DNAH14: variants seen among roughly 807,000 people sequenced by gnomAD.
DNAH14 encodes dynein axonemal heavy chain 14.
In DNAH14, 478 loss-of-function variants were observed where a neutral mutation model predicts 520.9. The ratio of observed to expected loss-of-function variants is 0.92; its 90% CI spans 0.85 to 0.99. The LOEUF (loss-of-function observed/expected upper bound fraction) is 0.99, where lower values mean the gene tolerates loss of function less well. Among genes scored for constraint, DNAH14 ranks in the 50% least tolerant of loss-of-function variants. The probability of loss-of-function intolerance (pLI) is 0.00; values close to 1 mark genes in which losing one functional copy is unlikely to be tolerated. For missense variants in DNAH14, 4,831 were observed against 5,234.5 expected (o/e 0.92, Z 2.38); for synonymous variants, 1,581 against 1,757.2 (o/e 0.90, Z 2.51).
intron 15 of DNAH14, among the ~76,000 whole-genome samples, chr1:225,045,195 A>G (rs761487619): frequency 1.3e-5 from 2 of 149,894 alleles, no homozygotes; most frequent in Non-Finnish European, 1.5e-5. Flanking sequence ...TTTGTTTTTC[A>G]TCTTAGATTT....
intron 61 of DNAH14, among the ~76,000 whole-genome samples, chr1:225,320,297 T>C (rs887814960): frequency 6.6e-5 from 10 of 152,198 alleles, no homozygotes; most frequent in African/African-American, 9.6e-5. Flanking sequence ...GTAAAATGCT[T>C]GTAACAGAGG....
In DNAH14 at chr1:225,346,243, A is replaced by G. The variant is rs2095284236; in HGVS notation, c.10960A>G (p.Lys3654Glu). ...SKSKEQEHSFKREKVSPKEVH... is the reference protein window; with the variant it reads ...SKSKEQEHSFEREKVSPKEVH... ...AAGCAAAGAACAAGAACATAGTTTT[A>G]AAAGGGAGAAAGTGTCTCCAAAAGA... The change falls in exon 70 of 86, where the codon AAA becomes GAA. Residue 3654 changes from lysine to glutamate, a missense_variant. Lys to Glu is a moderately conservative substitution (Grantham distance 56). Coordinates refer to ENST00000682510, the MANE Select transcript of DNAH14 (RefSeq NM_001367479.1). 1.9e-6 allele frequency: 3 copies of G among 1,551,530 alleles called. No individual in the cohort carries two copies. The highest frequency in any genetic ancestry group is 2.6e-6 in the Non-Finnish European group (3 of 1,146,958).
At chr1:224,954,746 T>C (rs988166500) in intron 2 of DNAH14, among the ~76,000 whole-genome samples, 1 of 152,152 alleles carries the variant, frequency 6.6e-6, no homozygotes, top group East Asian at 1.9e-4. Flanking sequence ...AAAGTGCCTA[T>C]CAAAAATTAC....
At chr1:225,056,461 T>G (rs1194500930) in intron 17 of DNAH14, among the ~76,000 whole-genome samples, 1 of 152,168 alleles carries the variant, frequency 6.6e-6, no homozygotes, top group African/African-American at 2.4e-5. Context: ...TTGCAAAAAT[T>G]TTCTCCCATT....
In DNAH14 at chr1:225,085,795, T is replaced by A; in HGVS notation, c.3573+6T>A. The A allele has an allele frequency of 1.3e-6, 2 of 1,506,552 alleles. No individual in the cohort carries two copies. The highest frequency in any genetic ancestry group is 1.8e-6 in the Non-Finnish European group (2 of 1,129,910). 93.3% of individuals were successfully genotyped at this position (1,506,552 alleles called of 1,614,324 possible). A position where few individuals can be genotyped will look rare whatever the true frequency, so the allele number is the denominator to read the frequency against. ...CCCACATTGGGCCCATTAAGGTAAG[T>A]ATTATGGCAAAGGAAAAATGTTTTC... On this transcript the variant is annotated splice_donor_region_variant and intron_variant, in intron 21 of 85. Coordinates refer to ENST00000682510, the MANE Select transcript of DNAH14 (RefSeq NM_001367479.1).
intron 33 of DNAH14, 86 bp downstream of exon 33, chr1:225,152,969 G>A (rs1211713223): frequency 2.3e-6 from 3 of 1,311,324 alleles, no homozygotes; most frequent in Admixed American, 5.3e-5. Flanking sequence ...GTCCAGGGAT[G>A]ACCTGGGACT....
chr1:225,369,720 A>G (rs2150628794), intron 77 of DNAH14, among the ~76,000 whole-genome samples: 1 of 152,284 alleles, frequency 6.6e-6, no homozygotes, highest in Non-Finnish European at 1.5e-5. Flanking sequence ...TATCCAAGGA[A>G]CTGTTACACA....
At chr1:225,312,351 C>T (rs996839572) in intron 60 of DNAH14, among the ~76,000 whole-genome samples, 3 of 152,074 alleles carry the variant, frequency 2.0e-5, no homozygotes, top group Non-Finnish European at 4.4e-5. Flanking sequence ...GGGGTTGAGA[C>T]GATGGGGTAT....
Position 225,042,833 on chromosome 1 carries a change from A to G in DNAH14, c.1489-2A>G. ...GCACCCTCACATTATCCGTTAAATT[A>G]GATTTTGAATAGTGTTGAAGTGGGG... On this transcript the variant is annotated splice_acceptor_variant, in intron 12 of 85. Transcript: ENST00000682510. LOFTEE classifies it high-confidence loss of function. 1.9e-6 allele frequency: 3 copies of G among 1,545,122 alleles called. No homozygotes were observed. Among genetic ancestry groups the G allele is most frequent in the South Asian group, 2.4e-5 (2 of 82,782 alleles).
rs777566189 is a variant in DNAH14, at chr1:225,051,571, T to C, written c.2200T>C (p.Ser734Pro). 2.9e-4 allele frequency: 443 copies of C among 1,550,936 alleles called. No individual in the cohort carries two copies. The highest frequency in any genetic ancestry group is 3.6e-4 in the Non-Finnish European group (414 of 1,146,608). The stretch of plus-strand genomic sequence containing the variant: ...CAAAATCATGAGTATGAAAATATCA[T>C]CTATGGGAGAATTAACTTCAAAAGA... The part of the protein sequence containing the change: ...KAKIMSMKIS[S>P]MGELTSKEFE... The change falls in exon 17 of 86, where the codon TCT (serine) becomes CCT (proline). Residue 734 changes from serine to proline, a missense_variant. By Grantham distance (74) the Ser-to-Pro change is moderately conservative. Coordinates refer to ENST00000682510, the MANE Select transcript of DNAH14 (RefSeq NM_001367479.1).
chr1:225,194,769 C>T (rs938847328), intron 38 of DNAH14, among the ~76,000 whole-genome samples: 7 of 151,220 alleles, frequency 4.6e-5, no homozygotes, highest in Non-Finnish European at 5.9e-5. Flanking sequence ...ACTGTGTATC[C>T]GATAAAAATC....
At chr1:225,264,056 A>G in intron 46 of DNAH14, 141 bp from the exon 47 acceptor site, 2 of 618,082 alleles carry the variant, frequency 3.2e-6, no homozygotes, top group Non-Finnish European at 5.6e-6. Context: ...ATTTCATCTG[A>G]AAAGGTGGAA....
intron 38 of DNAH14, among the ~76,000 whole-genome samples, chr1:225,196,052 G>A (rs1403316205): frequency 5.9e-5 from 9 of 151,742 alleles, no homozygotes; most frequent in African/African-American, 1.7e-4. Context: ...ATTGGGGAAC[G>A]GGTGGTATTT....
At chr1:225,366,997 T>C (rs533004615) in intron 76 of DNAH14, among the ~76,000 whole-genome samples, 1 of 102,740 alleles carries the variant, frequency 9.7e-6, no homozygotes, top group East Asian at 2.8e-4. Context: ...GATCCAAAAG[T>C]CTCATGTTCA....
In DNAH14 at chr1:225,301,202, C is replaced by T. The variant is rs559565205; in HGVS notation, c.8631+172C>T. ...GACAACACCATACCCTTCGGTAGGT[C>T]AAAAACTAACATGAATCTGAGCCTG... On this transcript the variant is annotated intron_variant, in intron 56 of 85. Transcript: ENST00000682510. Among the ~76,000 whole-genome samples the T allele has an allele frequency of 3.9e-5, 6 of 152,070 alleles. No homozygotes were observed. In the East Asian group the frequency reaches 1.2e-3, roughly 29 times the overall value.
chr1:225,303,750 C>T (rs1010979102), intron 57 of DNAH14, among the ~76,000 whole-genome samples: 1 of 152,144 alleles, frequency 6.6e-6, no homozygotes, highest in Non-Finnish European at 1.5e-5. Context: ...GCACAAGCCA[C>T]AACACAAAAT....
intron 22 of DNAH14, among the ~76,000 whole-genome samples, chr1:225,097,696 C>A (rs942808418): frequency 2.6e-5 from 4 of 151,864 alleles, no homozygotes; most frequent in African/African-American, 9.7e-5. Context: ...ATCACTTGAA[C>A]CTGGGAGGTG....
rs372178554 is a variant in DNAH14 at position 225,075,991 on chromosome 1, A to AGCCTGGGTCAACAGATGAGAAG, written c.2425-3212_2425-3211insGGGTCAACAGATGAGAAGGCCT. Among the ~76,000 whole-genome samples the AGCCTGGGTCAACAGATGAGAAG allele has an allele frequency of 6.8e-3, 1,037 of 152,122 alleles. 6 individuals carry two copies. The highest frequency in any genetic ancestry group is 0.02 in the Middle Eastern group (6 of 294). The stretch of plus-strand genomic sequence containing the variant: ...CTACAGCACTTAGGCTGGCTGGTCC[A>AGCCTGGGTCAACAGATGAGAAG]GCCTAGGGCCTGGATCCACTTGGGT... On this transcript the variant is annotated intron_variant, in intron 17 of 85. Coordinates refer to ENST00000682510, the MANE Select transcript of DNAH14 (RefSeq NM_001367479.1).
Position 225,374,248 on chromosome 1 carries a change from CTATATATA to C in DNAH14, c.12319-424_12319-417del, listed in dbSNP as rs370980116. On this transcript the variant is annotated intron_variant, in intron 77 of 85. Transcript: ENST00000682510. ...AAATATATATAATATATATATTTGT[CTATATATA>C]TATATATATATATATTTTTTTTTGA... Among the ~76,000 whole-genome samples the C allele has an allele frequency of 1.0e-4, 8 of 77,890 alleles. 1 individual carries two copies. The highest frequency in any genetic ancestry group is 1.7e-4 in the Non-Finnish European group (7 of 41,294). The allele number at this position is 77,890 out of a possible 152,430, so 51.1% of individuals were successfully genotyped here.
Sources: gnomAD v4.1 joint callset for allele counts (sites outside exome capture counted in the v4.1 genomes callset) on GRCh38, gnomAD v4.1.1 for gene constraint, MANE v1.5 for transcripts, NCBI Gene and HGNC (gene_info 2026-07-23, HGNC 2026-07-21) for gene names.